TMEM272: variants seen among roughly 807,000 people sequenced by gnomAD.
TMEM272 encodes long intergenic non-protein coding RNA 282.
Under a neutral mutation model 3.7 loss-of-function variants are expected in TMEM272, and 8 were observed. The observed-to-expected ratio is 2.17, with a 90% confidence interval of 1.27 to 3.91. The LOEUF (loss-of-function observed/expected upper bound fraction) is 3.91, where lower values mean the gene tolerates loss of function less well. TMEM272 is among the 30% of genes most tolerant of loss of function. The pLI, the probability that TMEM272 is intolerant of heterozygous loss-of-function variation, is 0.00. For synonymous variants in TMEM272, 63 were observed against 39.8 expected, an observed-to-expected ratio of 1.58 and a Z score of -2.20; for missense variants, 166 against 91.5, an observed-to-expected ratio of 1.81 and a Z score of -3.32.
the TMEM272 span, among the ~76,000 whole-genome samples, chr13:51,869,292 C>T: frequency 6.6e-6 from 1 of 152,160 alleles, no homozygotes; most frequent in Non-Finnish European, 1.5e-5. Flanking sequence ...CAAAGCTATT[C>T]CTCATTGCCC....
the TMEM272 span, among the ~76,000 whole-genome samples, chr13:51,882,867 C>T: frequency 6.6e-6 from 1 of 152,204 alleles, no homozygotes; most frequent in Non-Finnish European, 1.5e-5. Flanking sequence ...TCTGCAGCTG[C>T]CATGACCTCC....
At chr13:51,822,397 C>G (rs1047624613) in intron 3 of TMEM272, among the ~76,000 whole-genome samples, 1 of 152,144 alleles carries the variant, frequency 6.6e-6, no homozygotes, top group African/African-American at 2.4e-5. Context: ...CACCTTTTTT[C>G]TGGGTATTAA....
the TMEM272 span, among the ~76,000 whole-genome samples, chr13:51,864,349 C>A: frequency 1.3e-5 from 2 of 152,220 alleles, no homozygotes; most frequent in East Asian, 3.8e-4. Flanking sequence ...TCATCCCACA[C>A]TCCAAATCCT....
At chr13:51,930,829 G>A in the TMEM272 span, among the ~76,000 whole-genome samples, 1 of 149,616 alleles carries the variant, frequency 6.7e-6, no homozygotes, top group Non-Finnish European at 1.5e-5. Flanking sequence ...GTCTATGCTG[G>A]ATTTATAAAA....
the TMEM272 span, among the ~76,000 whole-genome samples, chr13:51,888,627 T>TTTTTTC: frequency 2.8e-5 from 4 of 143,744 alleles, no homozygotes; most frequent in African/African-American, 5.1e-5. Flanking sequence ...ATCCTTTTTC[T>TTTTTTC]TTTTTCTTTT....
intron 1 of TMEM272, 41 bp from the exon 2 acceptor site, chr13:51,838,594 G>A (rs1956235565): frequency 1.4e-6 from 1 of 702,924 alleles, no homozygotes; most frequent in African/African-American, 1.7e-5. Context: ...ATGGTGGAAG[G>A]ATTTACTCAG....
intron 3 of TMEM272, 42 bp from the exon 4 acceptor site, chr13:51,822,179 G>A (rs1460537089): frequency 1.5e-5 from 10 of 660,536 alleles, no homozygotes; most frequent in Middle Eastern, 4.8e-4. Context: ...AAATACATTC[G>A]AGAGCACAAA....
chr13:51,838,243 T>C (rs910607878), intron 2 of TMEM272, among the ~76,000 whole-genome samples: 20 of 152,116 alleles, frequency 1.3e-4, no homozygotes, highest in Non-Finnish European at 2.6e-4. Context: ...ACATATTACA[T>C]GGAAAACACA....
the TMEM272 span, among the ~76,000 whole-genome samples, chr13:51,907,967 C>A: frequency 6.6e-6 from 1 of 152,140 alleles, no homozygotes; most frequent in African/African-American, 2.4e-5. Flanking sequence ...AAAACTCCCA[C>A]TACTGTTTAG....
chr13:51,821,072 G>C (rs1174930629), intron 4 of TMEM272, among the ~76,000 whole-genome samples: 2 of 152,210 alleles, frequency 1.3e-5, no homozygotes, highest in African/African-American at 2.4e-5. Flanking sequence ...TCAACAGCAT[G>C]ACCAGCGCCA....
At chr13:51,909,302 C>T in the TMEM272 span, 1 of 962,442 alleles carries the variant, frequency 1.0e-6, no homozygotes, top group Non-Finnish European at 1.7e-6. Flanking sequence ...GAATAGTTCT[C>T]TCAAGTTCTT....
At chr13:51,890,490 G>A in the TMEM272 span, among the ~76,000 whole-genome samples, 4 of 152,140 alleles carry the variant, frequency 2.6e-5, no homozygotes, top group African/African-American at 9.7e-5. Flanking sequence ...AAGCAGCCCA[G>A]GACCCTCACC....
chr13:51,925,855 C>T, the TMEM272 span, among the ~76,000 whole-genome samples: 25 of 152,278 alleles, frequency 1.6e-4, no homozygotes, highest in African/African-American at 6.0e-4. Flanking sequence ...CACCAAATCC[C>T]TCTCCTAAGA....
chr13:51,906,154 T>G, the TMEM272 span, among the ~76,000 whole-genome samples: 3 of 152,206 alleles, frequency 2.0e-5, no homozygotes, highest in South Asian at 2.1e-4. Flanking sequence ...GGCTGGGCTG[T>G]ACCTGGGCAT....
At chr13:51,881,080 T>C in the TMEM272 span, among the ~76,000 whole-genome samples, 1 of 152,190 alleles carries the variant, frequency 6.6e-6, no homozygotes, top group Non-Finnish European at 1.5e-5. Flanking sequence ...GGCTGAAGGA[T>C]AAGCCAGTAA....
the TMEM272 span, chr13:51,908,852 C>A: frequency 7.0e-7 from 1 of 1,434,922 alleles, no homozygotes; most frequent in Non-Finnish European, 9.8e-7. Flanking sequence ...GTGACAGGGG[C>A]CCAGTGTCAG....
At position 51,822,111 on chromosome 13, in the gene TMEM272, T is replaced by C. The variant is rs1288768486; in HGVS notation, c.145A>G (p.Ile49Val). 1.4e-6 allele frequency: 1 copy of C among 701,848 alleles called. No homozygotes were observed. The allele number at this position is 701,848 out of a possible 1,614,324, so 43.5% of individuals were successfully genotyped here. Residue 49 changes from isoleucine (I) to valine (V), a missense_variant, in exon 4 of 5, where the codon ATA becomes GTA. Transcript: ENST00000629372. ...AAATATAAAGGAATGAGGGGCTGTA[T>C]AGGGCAGTCCTCCAAAAATTTCATT... ...IGMKFLEDCPIQPLIPLYLLV... is the reference protein window; with the variant it reads ...IGMKFLEDCPVQPLIPLYLLV...
the TMEM272 span, among the ~76,000 whole-genome samples, chr13:51,861,800 T>C: frequency 1.3e-5 from 2 of 152,068 alleles, no homozygotes; most frequent in Non-Finnish European, 2.9e-5. Flanking sequence ...CCAAGACACA[T>C]CATAGTCAAA....
rs1555273467 is a variant in TMEM272, at chr13:51,816,676, TGC to T, written c.*73_*74del. 3.2e-6 allele frequency: 2 copies of T among 634,648 alleles called. No homozygotes were observed. Among genetic ancestry groups the T allele is most frequent in the Admixed American group, 2.2e-5 (1 of 44,518 alleles). The allele number at this position is 634,648 out of a possible 1,614,324, so 39.3% of individuals were successfully genotyped here. On this transcript the variant is annotated 3_prime_UTR_variant, in exon 5 of 5. Coordinates refer to ENST00000629372, the MANE Select transcript of TMEM272 (RefSeq NM_001351003.2). ...ACCTGTGTGTGTGTGTGTGTGTGTG[TGC>T]GTCTGTGTGTCTGTGTGCACGCGCG...
Sources: gnomAD v4.1 joint callset for allele counts (sites outside exome capture counted in the v4.1 genomes callset) on GRCh38, gnomAD v4.1.1 for gene constraint, MANE v1.5 for transcripts, NCBI Gene and HGNC (gene_info 2026-07-23, HGNC 2026-07-21) for gene names.